The following GLI3 variants were observed in gnomAD, a reference collection of about 807,000 sequenced individuals.
The protein encoded by GLI3 is GLI family zinc finger 3.
GLI3 carries 20 observed loss-of-function variants against 100.8 expected under a neutral mutation model. That is an observed-to-expected ratio of 0.20 (90% CI 0.14 to 0.29). GLI3 has a LOEUF of 0.29. Among genes scored for constraint, GLI3 ranks in the 10% least tolerant of loss-of-function variants. The pLI, the probability that GLI3 is intolerant of heterozygous loss-of-function variation, is 1.00. For synonymous variants in GLI3, 938 were observed against 860.5 expected, an observed-to-expected ratio of 1.09 and a Z score of -1.58; for missense variants, 2,040 against 2,128.5, an observed-to-expected ratio of 0.96 and a Z score of 0.82.
chr7:42,216,209 C>T (rs1788374035), intron 2 of GLI3, among the ~76,000 whole-genome samples: 1 of 152,132 alleles, frequency 6.6e-6, no homozygotes, highest in Non-Finnish European at 1.5e-5. Flanking sequence ...TTGTAATTTG[C>T]AGGTTTATTC....
intron 2 of GLI3, among the ~76,000 whole-genome samples, chr7:42,173,225 G>A (rs1050119391): frequency 3.9e-5 from 6 of 152,114 alleles, no homozygotes; most frequent in Admixed American, 6.5e-5. Context: ...TGACAGACAC[G>A]GCGGGCAAAA....
chr7:41,994,656 A>G (rs914212488), intron 10 of GLI3, among the ~76,000 whole-genome samples: 1 of 152,148 alleles, frequency 6.6e-6, no homozygotes, highest in African/African-American at 2.4e-5. Context: ...CATTTCTGCA[A>G]TTTTGTTTTC....
intron 1 of GLI3, among the ~76,000 whole-genome samples, chr7:42,261,269 A>G (rs986973037): frequency 1.3e-5 from 2 of 151,666 alleles, no homozygotes; most frequent in East Asian, 3.9e-4. Context: ...GGTGCCACAC[A>G]TTGTAAATGA....
chr7:42,258,350 T>C (rs565495826), intron 1 of GLI3, among the ~76,000 whole-genome samples: 2 of 152,344 alleles, frequency 1.3e-5, no homozygotes, highest in Non-Finnish European at 2.9e-5. Context: ...TAGGATTTTG[T>C]CTTTTTTGTT....
intron 2 of GLI3, among the ~76,000 whole-genome samples, chr7:42,188,324 G>T (rs562207207): frequency 6.6e-6 from 1 of 152,244 alleles, no homozygotes; most frequent in African/African-American, 2.4e-5. Flanking sequence ...GGCATCTATT[G>T]TATTGAAGAC....
intron 12 of GLI3, among the ~76,000 whole-genome samples, chr7:41,973,788 G>T (rs977310678): frequency 4.6e-5 from 7 of 152,146 alleles, no homozygotes; most frequent in Admixed American, 1.3e-4. Context: ...ATGCTGAAAT[G>T]TCCTAATGCA....
chr7:42,107,721 G>C (rs1477722181), intron 3 of GLI3, among the ~76,000 whole-genome samples: 1 of 152,186 alleles, frequency 6.6e-6, no homozygotes, highest in East Asian at 1.9e-4. Flanking sequence ...AGAGGGTGGA[G>C]AAAGGCTTAA....
chr7:42,027,584 A>G (rs1049059445), intron 7 of GLI3, among the ~76,000 whole-genome samples: 1 of 152,204 alleles, frequency 6.6e-6, no homozygotes, highest in African/African-American at 2.4e-5. Flanking sequence ...AATTCCAAAG[A>G]TATACTCTGT....
At position 41,963,685 on chromosome 7, in the gene GLI3, A is replaced by G. The variant is rs1787069438; in HGVS notation, c.*645T>C. 1 of 152,434 alleles carries G rather than the reference A, an allele frequency of 6.6e-6. No homozygotes were observed. The highest frequency in any genetic ancestry group is 1.5e-5 in the Non-Finnish European group (1 of 68,274). 9.4% of individuals were successfully genotyped at this position (152,434 alleles called of 1,614,324 possible). On this transcript the variant is annotated 3_prime_UTR_variant, in exon 15 of 15. Transcript: ENST00000395925. The stretch of plus-strand genomic sequence containing the variant: ...CGCCCATTTCATTTATAAGAGCCCC[A>G]CGTTCCCATTTCTGTTTAACTGTGG...
chr7:42,067,641 C>A (rs1471200775), intron 4 of GLI3, among the ~76,000 whole-genome samples: 1 of 152,128 alleles, frequency 6.6e-6, no homozygotes, highest in Non-Finnish European at 1.5e-5. Flanking sequence ...ATTTACTGTG[C>A]CCAGTTAACC....
chr7:42,191,811 G>T (rs1461010237), intron 2 of GLI3, among the ~76,000 whole-genome samples: 1 of 152,010 alleles, frequency 6.6e-6, no homozygotes, highest in Non-Finnish European at 1.5e-5. Context: ...CCAAGACTTG[G>T]AAGAATTAAA....
At chr7:42,203,360 G>T (rs188427241) in intron 2 of GLI3, among the ~76,000 whole-genome samples, 1 of 152,090 alleles carries the variant, frequency 6.6e-6, no homozygotes, top group East Asian at 1.9e-4. Context: ...CTGTAATTTT[G>T]TATCCTTTGA....
rs1562775920 is a variant in GLI3, at chr7:42,182,683, C to CGTGTGTGTATATATATATATATATAT, written c.125-34216_125-34215insATATATATATATATATATACACACAC. 4.7e-3 allele frequency among the ~76,000 whole-genome samples: 259 copies of CGTGTGTGTATATATATATATATATAT among 54,862 alleles called. 7 individuals are homozygous for CGTGTGTGTATATATATATATATATAT. Among genetic ancestry groups the CGTGTGTGTATATATATATATATATAT allele is most frequent in the Non-Finnish European group, 6.7e-3 (201 of 29,904 alleles). 36.0% of individuals were successfully genotyped at this position (54,862 alleles called of 152,430 possible). A position where few individuals can be genotyped will look rare whatever the true frequency, so the allele number is the denominator to read the frequency against. ...ATATATATATATATATATATATATACACATGTGTGTATATATATATACACA... is the reference window on the plus strand; with the variant it reads ...ATATATATATATATATATATATATACGTGTGTGTATATATATATATATATATACATGTGTGTATATATATATACACA... On this transcript the variant is annotated intron_variant, in intron 2 of 14. Transcript: ENST00000395925.
intron 12 of GLI3, among the ~76,000 whole-genome samples, chr7:41,975,588 C>G (rs1191743156): frequency 6.6e-6 from 1 of 152,166 alleles, no homozygotes; most frequent in Non-Finnish European, 1.5e-5. Context: ...CATTACTACC[C>G]AAGATATCCT....
At chr7:42,165,671 A>C (rs1787226968) in intron 2 of GLI3, among the ~76,000 whole-genome samples, 1 of 152,200 alleles carries the variant, frequency 6.6e-6, no homozygotes, top group Non-Finnish European at 1.5e-5. Flanking sequence ...GCTGCTAGTG[A>C]TATCAAGTCT....
intron 7 of GLI3, among the ~76,000 whole-genome samples, chr7:42,038,115 T>C (rs995496790): frequency 3.3e-5 from 5 of 152,228 alleles, no homozygotes; most frequent in African/African-American, 9.6e-5. Context: ...GCTATGACTT[T>C]AGTCATGCCA....
chr7:42,061,377 AACT>A (rs1360719483), intron 4 of GLI3, among the ~76,000 whole-genome samples: 1 of 152,166 alleles, frequency 6.6e-6, no homozygotes, highest in Admixed American at 6.5e-5. Context: ...TATTACTGTT[AACT>A]ACTAACTAGT....
At chr7:41,992,321 G>A (rs907391162) in intron 10 of GLI3, among the ~76,000 whole-genome samples, 5 of 152,224 alleles carry the variant, frequency 3.3e-5, no homozygotes, top group African/African-American at 1.2e-4. Flanking sequence ...TGAAAGATCT[G>A]AGACAATAAC....
chr7:42,107,066 C>T (rs931231857), intron 3 of GLI3, among the ~76,000 whole-genome samples: 1 of 152,060 alleles, frequency 6.6e-6, no homozygotes, highest in African/African-American at 2.4e-5. Flanking sequence ...CTGTAATCCT[C>T]GCATTTTGGG....
Sources: allele counts gnomAD v4.1 joint callset (sites outside exome capture counted in the v4.1 genomes callset), GRCh38; gene constraint gnomAD v4.1.1; transcripts MANE v1.5; gene names NCBI Gene and HGNC (gene_info 2026-07-23, HGNC 2026-07-21).